ASPG: variants seen among roughly 807,000 people sequenced by gnomAD.
The protein encoded by ASPG is asparaginase.
ASPG carries 53 observed loss-of-function variants against 63.2 expected under a neutral mutation model. The observed-to-expected ratio is 0.84, with a 90% CI of 0.67 to 1.05. The LOEUF (loss-of-function observed/expected upper bound fraction) is 1.05, where lower values mean the gene tolerates loss of function less well. ASPG is among the 50% of genes least tolerant of loss of function. The probability of loss-of-function intolerance (pLI) is 0.00; values close to 1 mark genes in which losing one functional copy is unlikely to be tolerated. For missense variants in ASPG, 741 were observed against 794.4 expected (o/e 0.93, Z 0.81); for synonymous variants, 370 against 355.0 (o/e 1.04, Z -0.48).
intron 2 of ASPG, 165 bp from the exon 3 acceptor site, chr14:104,093,326 G>A (rs1596067990): frequency 1.4e-6 from 1 of 694,540 alleles, no homozygotes; most frequent in East Asian, 2.7e-5. Context: ...TGGAAGGGGG[G>A]CCGGGCCCCG....
intron 12 of ASPG, chr14:104,108,643 G>A (rs2037251150): frequency 4.1e-6 from 4 of 985,434 alleles, no homozygotes; most frequent in Non-Finnish European, 3.6e-6. Context: ...TGTGGCCTCC[G>A]GCCTCGGGCC....
At position 104,104,503 on chromosome 14, in the gene ASPG, A is replaced by G; in HGVS notation, c.936+17A>G. ...GCTGGCATGGTAGTGCCGGGAGATC[A>G]GGGCCTAGCGGGGAAGGGGACAGCC... On this transcript the variant is annotated intron_variant, in intron 8 of 15. Coordinates refer to ENST00000551177, the MANE Select transcript of ASPG (RefSeq NM_001080464.3). The G allele has an allele frequency of 6.2e-7, 1 of 1,609,376 alleles. No individual in the cohort carries two copies. Among genetic ancestry groups the G allele is most frequent in the East Asian group, 2.2e-5 (1 of 44,788 alleles).
chr14:104,112,782 C>T lies in ASPG; in HGVS notation c.*238C>T. ...CTGTGGATGTGTGTGGGGAGTCAGG[C>T]CCAGGCTCTGTGGGGTCTCTGCGGG... On this transcript the variant is annotated 3_prime_UTR_variant, in exon 16 of 16. Coordinates refer to ENST00000551177, the MANE Select transcript of ASPG (RefSeq NM_001080464.3). The T allele has an allele frequency of 1.1e-6, 1 of 894,356 alleles. No homozygotes were observed. Among genetic ancestry groups the T allele is most frequent in the Admixed American group, 2.7e-5 (1 of 37,040 alleles). 55.4% of individuals were successfully genotyped at this position (894,356 alleles called of 1,614,324 possible).
intron 12 of ASPG, 137 bp downstream of exon 12, chr14:104,107,482 A>G: frequency 1.1e-6 from 1 of 886,370 alleles, no homozygotes. Context: ...CTGCCCCCGC[A>G]GCCCGGGGCC....
chr14:104,088,546 G>T (rs1193282012), intron 1 of ASPG, among the ~76,000 whole-genome samples: 5 of 152,132 alleles, frequency 3.3e-5, no homozygotes, highest in Admixed American at 2.6e-4. Flanking sequence ...TCCCTCCTGA[G>T]CCCGGCTCCT....
rs753182647 is a variant in ASPG, at chr14:104,112,661, G to A, written c.*117G>A. The A allele has an allele frequency of 2.1e-5, 32 of 1,541,870 alleles. No homozygotes were observed. The highest frequency in any genetic ancestry group is 2.5e-5 in the Non-Finnish European group (29 of 1,148,824). ...CCCAGCCTGCTCTCATGTAAAGCCT[G>A]AAGGCCTTTGTTGGGCAGGACGGCA... On this transcript the variant is annotated 3_prime_UTR_variant, in exon 16 of 16. Coordinates refer to ENST00000551177, the MANE Select transcript of ASPG (RefSeq NM_001080464.3).
At position 104,086,861 on chromosome 14, in the gene ASPG, G is replaced by A. The variant is rs185421656; in HGVS notation, c.82+1009G>A. ...CCAGCGCAGCTCTCTCTCCTGGGACGGCTGGGACCCTCTCCGGCTCTGCCA... is the reference window on the plus strand; with the variant it reads ...CCAGCGCAGCTCTCTCTCCTGGGACAGCTGGGACCCTCTCCGGCTCTGCCA... On this transcript the variant is annotated intron_variant, in intron 1 of 15. Coordinates refer to ENST00000551177, the MANE Select transcript of ASPG (RefSeq NM_001080464.3). 6.2e-4 allele frequency among the ~76,000 whole-genome samples: 94 copies of A among 152,172 alleles called. 1 individual carries two copies. The highest frequency in any genetic ancestry group is 2.1e-3 in the African/African-American group (88 of 41,532).
chr14:104,103,633 C>A lies in ASPG; in HGVS notation c.711C>A (p.Asp237Glu). ...GLVVHSSMEQDVGLLRLYPGI... is the reference protein window; with the variant it reads ...GLVVHSSMEQEVGLLRLYPGI... ...TGGTGCACAGCAGCATGGAGCAGGA[C>A]GTGGGCCTGCTGCGCCTCTACCCTG... The change falls in exon 7 of 16, where the codon GAC becomes GAA. Residue 237 changes from aspartate to glutamate, a missense_variant. Physicochemically the swap from Asp to Glu is conservative, Grantham distance 45. Coordinates refer to ENST00000551177, the MANE Select transcript of ASPG (RefSeq NM_001080464.3). The A allele has an allele frequency of 1.9e-6, 3 of 1,548,080 alleles. No individual in the cohort carries two copies. Among genetic ancestry groups the A allele is most frequent in the Non-Finnish European group, 1.7e-6 (2 of 1,146,746 alleles).
At chr14:104,112,111 G>A in intron 15 of ASPG, 111 bp downstream of exon 15, 2 of 1,057,490 alleles carry the variant, frequency 1.9e-6, no homozygotes, top group Non-Finnish European at 2.7e-6. Context: ...AGGAGGCTGA[G>A]ATGGGTCCCA....
Position 104,104,659 on chromosome 14 carries a change from T to G in ASPG, c.974T>G (p.Met325Arg), listed in dbSNP as rs2037038759. 6.2e-7 allele frequency: 1 copy of G among 1,610,948 alleles called. No homozygotes were observed. Among genetic ancestry groups the G allele is most frequent in the African/African-American group, 1.3e-5 (1 of 74,912 alleles). ...AGAGVISGFD[M>R]TSEAALAKLS... Reference sequence around the variant, plus strand: ...GCCGGCGTCATCTCAGGCTTCGACATGACATCGGAGGCCGCCCTGGCCAAG... The same window carrying G: ...GCCGGCGTCATCTCAGGCTTCGACAGGACATCGGAGGCCGCCCTGGCCAAG... The change falls in exon 9 of 16, where the codon ATG becomes AGG. Residue 325 changes from methionine (M) to arginine (R), a missense_variant. Met to Arg is a moderately conservative substitution (Grantham distance 91). Coordinates refer to ENST00000551177, the MANE Select transcript of ASPG (RefSeq NM_001080464.3).
At position 104,112,777 on chromosome 14, in the gene ASPG, T is replaced by G. The variant is rs919303888; in HGVS notation, c.*233T>G. ...CGGGACTGTGGATGTGTGTGGGGAG[T>G]CAGGCCCAGGCTCTGTGGGGTCTCT... On this transcript the variant is annotated 3_prime_UTR_variant, in exon 16 of 16. Coordinates refer to ENST00000551177, the MANE Select transcript of ASPG (RefSeq NM_001080464.3). 1.1e-6 allele frequency: 1 copy of G among 934,200 alleles called. No homozygotes were observed. Among genetic ancestry groups the G allele is most frequent in the Non-Finnish European group, 1.6e-6 (1 of 641,464 alleles). The allele number at this position is 934,200 out of a possible 1,614,324, so 57.9% of individuals were successfully genotyped here.
intron 6 of ASPG, among the ~76,000 whole-genome samples, chr14:104,102,469 G>C (rs1270079035): frequency 6.6e-6 from 1 of 152,154 alleles, no homozygotes; most frequent in African/African-American, 2.4e-5. Context: ...ACCGTGCCGG[G>C]CTCTCCAGGC....
At chr14:104,102,281 T>C (rs1159996423) in intron 6 of ASPG, among the ~76,000 whole-genome samples, 1 of 151,678 alleles carries the variant, frequency 6.6e-6, no homozygotes, top group Non-Finnish European at 1.5e-5. Context: ...CGCTCCCCCC[T>C]CTCTCATCCC....
chr14:104,092,988 G>A (rs775546630), intron 2 of ASPG: 78 of 552,416 alleles, frequency 1.4e-4, no homozygotes, highest in Non-Finnish European at 1.6e-4. Context: ...CAGCCAGGCT[G>A]CTTCGGCAAG....
rs1744302 is a variant in ASPG at position 104,109,194 on chromosome 14, C to A, written c.1434-35C>A. On this transcript the variant is annotated intron_variant, in intron 12 of 15. Transcript: ENST00000551177. The surrounding 1 kb of genome is among the most constrained non-coding windows in gnomAD (Gnocchi z 4.8). ...TGAGGTGCAGCGGGGCTGGGCTGGC[C>A]AGGGCAGAAGGTCAGCATGCTCATT... 2 of 1,608,380 alleles carry A rather than the reference C, an allele frequency of 1.2e-6. No homozygotes were observed. The highest frequency in any genetic ancestry group is 3.4e-5 in the Admixed American group (2 of 59,254).
intron 14 of ASPG, 115 bp from the exon 15 acceptor site, chr14:104,111,804 TG>T: frequency 9.1e-7 from 1 of 1,099,554 alleles, no homozygotes; most frequent in Non-Finnish European, 1.3e-6. Context: ...GAGGAGCTGC[TG>T]GGGCCCTGTG....
At chr14:104,112,028 CA>C (rs1186769459) in intron 15 of ASPG, 28 bp downstream of exon 15, 4 of 1,542,300 alleles carry the variant, frequency 2.6e-6, no homozygotes, top group Non-Finnish European at 3.5e-6. Context: ...GCGGGGCTGA[CA>C]CCCCCCAGTG....
At chr14:104,092,525 A>G (rs936525944) in intron 1 of ASPG, 108 bp from the exon 2 acceptor site, 12 of 919,562 alleles carry the variant, frequency 1.3e-5, no homozygotes, top group Admixed American at 4.1e-5. Flanking sequence ...TGACTGTCAT[A>G]AGACCGGAGC....
At chr14:104,093,626 GTGGGGCTGTGGTGTGTGGGTGGGGC>G in intron 3 of ASPG, 24 bp downstream of exon 3, 1 of 1,063,432 alleles carries the variant, frequency 9.4e-7, no homozygotes, top group Non-Finnish European at 1.2e-6. Flanking sequence ...GGAATGCTGG[GTGGGGCTGTGGTGTGTGGGTGGGGC>G]TGAGGTGTGT....
Sources: gnomAD v4.1 joint callset for allele counts (sites outside exome capture counted in the v4.1 genomes callset) on GRCh38, gnomAD v4.1.1 for gene constraint, Gnocchi (gnomAD v3.1) non-coding constraint, MANE v1.5 for transcripts, NCBI Gene and HGNC (gene_info 2026-07-23, HGNC 2026-07-21) for gene names.